PPM1E: variants seen among roughly 807,000 people sequenced by gnomAD.
The protein encoded by PPM1E is protein phosphatase, Mg2+/Mn2+ dependent 1E, also known as protein phosphatase 1E.
PPM1E carries 20 observed loss-of-function variants against 65.9 expected under a neutral mutation model. The ratio of observed to expected loss-of-function variants is 0.30; its 90% confidence interval spans 0.21 to 0.44. The LOEUF (loss-of-function observed/expected upper bound fraction) is 0.44. Ranked by LOEUF, PPM1E falls within the 20% of genes least tolerant of loss-of-function variation. The pLI, the probability that PPM1E is intolerant of heterozygous loss-of-function variation, is 1.00. For missense variants in PPM1E, 713 were observed against 953.1 expected, an observed-to-expected ratio of 0.75 and a Z score of 3.32; for synonymous variants, 352 against 374.9, an observed-to-expected ratio of 0.94 and a Z score of 0.70.
Position 58,755,966 on chromosome 17 carries a change from C to T in PPM1E, c.-32C>T. On this transcript the variant is annotated 5_prime_UTR_variant, in exon 1 of 7. Transcript: ENST00000308249. Reference sequence around the variant, plus strand: ...ACCCTTCCTGGGCTTCCCCCAACCCCTTTCCCGGTCTGCCCTGGGGCATGA... The same window carrying T: ...ACCCTTCCTGGGCTTCCCCCAACCCTTTTCCCGGTCTGCCCTGGGGCATGA... 17 of 1,613,506 alleles carry T rather than the reference C, an allele frequency of 1.1e-5. No individual in the cohort carries two copies. Among genetic ancestry groups the T allele is most frequent in the Non-Finnish European group, 1.4e-5 (17 of 1,179,632 alleles).
chr17:58,929,236 C>T (rs754731044), intron 1 of PPM1E, among the ~76,000 whole-genome samples: 6 of 151,726 alleles, frequency 4.0e-5, no homozygotes, highest in Admixed American at 1.3e-4. Flanking sequence ...TCCATTCATA[C>T]GAAGTTCAAG....
chr17:58,960,777 A>G (rs1285841411), intron 2 of PPM1E, among the ~76,000 whole-genome samples: 1 of 151,602 alleles, frequency 6.6e-6, no homozygotes, highest in East Asian at 1.9e-4. Flanking sequence ...AAAAAAAAAA[A>G]AAAAGAAAAA....
At position 58,984,480 on chromosome 17, in the gene PPM1E, T is replaced by C. The variant is rs2031608500; in HGVS notation, c.*3449T>C. On this transcript the variant is annotated 3_prime_UTR_variant, in exon 7 of 7. Transcript: ENST00000308249. ...TAATTTTTAAACCTAATTTATTCAC[T>C]CAGTGAACATTCTTACCTAAGCAAG... The C allele has an allele frequency of 6.6e-6, 1 of 152,646 alleles. No individual in the cohort carries two copies. Among genetic ancestry groups the C allele is most frequent in the Non-Finnish European group, 1.5e-5 (1 of 68,044 alleles). The allele number at this position is 152,646 out of a possible 1,614,324, so 9.5% of individuals were successfully genotyped here. A position where few individuals can be genotyped will look rare whatever the true frequency, so the allele number is the denominator to read the frequency against.
At chr17:58,916,522 A>T (rs1740791875) in intron 1 of PPM1E, among the ~76,000 whole-genome samples, 1 of 152,184 alleles carries the variant, frequency 6.6e-6, no homozygotes, top group South Asian at 2.1e-4. Context: ...GCTACTCAGG[A>T]GGCTGAGGCT....
At chr17:58,804,402 G>T (rs1164644184) in intron 1 of PPM1E, among the ~76,000 whole-genome samples, 1 of 152,020 alleles carries the variant, frequency 6.6e-6, no homozygotes, top group Non-Finnish European at 1.5e-5. Context: ...AATGGAATAT[G>T]CTCTTTTTTT....
At chr17:58,915,051 C>T (rs750858539) in intron 1 of PPM1E, among the ~76,000 whole-genome samples, 5 of 151,980 alleles carry the variant, frequency 3.3e-5, no homozygotes, top group Admixed American at 6.6e-5. Context: ...TAATTGTTAC[C>T]GGAAAGGGGT....
At chr17:58,767,500 C>T in intron 1 of PPM1E, among the ~76,000 whole-genome samples, 1 of 152,234 alleles carries the variant, frequency 6.6e-6, no homozygotes, top group East Asian at 1.9e-4. Flanking sequence ...TTGCTTAGCT[C>T]AGGCTTTTAT....
At chr17:58,860,481 T>TC (rs1374237030) in intron 1 of PPM1E, among the ~76,000 whole-genome samples, 2 of 152,186 alleles carry the variant, frequency 1.3e-5, no homozygotes, top group Non-Finnish European at 2.9e-5. Context: ...TTCAGTTTGC[T>TC]CCTTTTGTTC....
chr17:58,783,826 G>A (rs1351776793), intron 1 of PPM1E, among the ~76,000 whole-genome samples: 1 of 151,952 alleles, frequency 6.6e-6, no homozygotes, highest in Non-Finnish European at 1.5e-5. Context: ...TCTTGCATCA[G>A]CCTCCCGAGT....
rs144012832 is a variant in PPM1E at position 58,781,779 on chromosome 17, G to A, written c.464+25318G>A. Among the ~76,000 whole-genome samples, 803 of 151,786 alleles carry A rather than the reference G, an allele frequency of 5.3e-3. 3 individuals are homozygous for A. The highest frequency in any genetic ancestry group is 0.018 in the African/African-American group (741 of 41,388). ...TGCATACCTGTAATCCCAGGTACTC[G>A]GGAGGCTGAGGCAGGAGAATCACTT... On this transcript the variant is annotated intron_variant, in intron 1 of 6. Coordinates refer to ENST00000308249, the MANE Select transcript of PPM1E (RefSeq NM_014906.5).
chr17:58,854,929 T>A (rs1270310941), intron 1 of PPM1E, among the ~76,000 whole-genome samples: 1 of 152,144 alleles, frequency 6.6e-6, no homozygotes, highest in African/African-American at 2.4e-5. Flanking sequence ...AAATAGAGAA[T>A]CACAGCTTAG....
chr17:58,771,086 A>G lies in PPM1E; in HGVS notation c.464+14625A>G, dbSNP rs1338662208. 1.3e-5 allele frequency among the ~76,000 whole-genome samples: 2 copies of G among 151,340 alleles called. 1 individual carries two copies. The highest frequency in any genetic ancestry group is 2.9e-5 in the Non-Finnish European group (2 of 67,854). On this transcript the variant is annotated intron_variant, in intron 1 of 6. Transcript: ENST00000308249. ...TGGCCAGGATAGTCTTTATCTCTTG[A>G]CCTTGTGATCTGCCCACCTTGGCCT... is the stretch of plus-strand genomic sequence containing the variant.
chr17:58,907,007 C>A (rs938347292), intron 1 of PPM1E, among the ~76,000 whole-genome samples: 2 of 152,136 alleles, frequency 1.3e-5, no homozygotes, highest in African/African-American at 2.4e-5. Flanking sequence ...GAGACTGAGG[C>A]AAGTGGATCA....
rs570422908 is a variant in PPM1E, at chr17:58,961,804, T to G, written c.584-3890T>G. 2.3e-4 allele frequency among the ~76,000 whole-genome samples: 35 copies of G among 152,314 alleles called. No individual in the cohort carries two copies. In the South Asian group the frequency reaches 4.1e-3, roughly 18 times the overall value. On this transcript the variant is annotated intron_variant, in intron 2 of 6. Transcript: ENST00000308249. Reference sequence around the variant, plus strand: ...AAACTGAATTTTAAATTTTATTTAATTTTAACTTACTTTTTTAGAGATGGG... The same window carrying G: ...AAACTGAATTTTAAATTTTATTTAAGTTTAACTTACTTTTTTAGAGATGGG...
At chr17:58,852,601 G>GA (rs2050838166) in intron 1 of PPM1E, among the ~76,000 whole-genome samples, 1 of 133,608 alleles carries the variant, frequency 7.5e-6, no homozygotes, top group Non-Finnish European at 1.6e-5. Flanking sequence ...TTCTTTTTTT[G>GA]TTTTTTTTTG....
At chr17:58,896,364 C>T (rs1357260446) in intron 1 of PPM1E, among the ~76,000 whole-genome samples, 4 of 151,978 alleles carry the variant, frequency 2.6e-5, no homozygotes, top group African/African-American at 9.7e-5. Flanking sequence ...GTGGGTGGAT[C>T]ACCTGAGGTC....
intron 1 of PPM1E, among the ~76,000 whole-genome samples, chr17:58,878,090 AAAAG>A (rs1330822622): frequency 1.3e-5 from 2 of 152,226 alleles, no homozygotes; most frequent in African/African-American, 2.4e-5. Flanking sequence ...TCCAAATAAC[AAAAG>A]AAAGAGTGGC....
At position 58,863,803 on chromosome 17, in the gene PPM1E, A is replaced by G. The variant is rs576409490; in HGVS notation, c.465-91846A>G. Among the ~76,000 whole-genome samples, 112 of 152,220 alleles carry G rather than the reference A, an allele frequency of 7.4e-4. 1 individual carries two copies. The highest frequency in any genetic ancestry group is 2.6e-3 in the African/African-American group (108 of 41,546). Reference sequence around the variant, plus strand: ...GTCCCAACCGAACACCTCTCCGACCATCCCCAGCTGAACTCCTCTCTGACT... The same window carrying G: ...GTCCCAACCGAACACCTCTCCGACCGTCCCCAGCTGAACTCCTCTCTGACT... On this transcript the variant is annotated intron_variant, in intron 1 of 6. Transcript: ENST00000308249.
chr17:58,887,227 C>A (rs1373174888), intron 1 of PPM1E, among the ~76,000 whole-genome samples: 1 of 135,416 alleles, frequency 7.4e-6, no homozygotes, highest in Non-Finnish European at 1.5e-5. Context: ...TGCAGTGGTG[C>A]AATCTTGGCT....
Sources: allele counts gnomAD v4.1 joint callset (sites outside exome capture counted in the v4.1 genomes callset), GRCh38; gene constraint gnomAD v4.1.1; transcripts MANE v1.5; gene names NCBI Gene and HGNC (gene_info 2026-07-23, HGNC 2026-07-21).